Variants in PRKD1 observed in about 807,000 individuals in gnomAD.
The protein encoded by PRKD1 is serine/threonine-protein kinase D1.
PRKD1 carries 63 observed loss-of-function variants against 95.9 expected under a neutral mutation model. The ratio of observed to expected loss-of-function variants is 0.66; its 90% confidence interval spans 0.54 to 0.81. The LOEUF (loss-of-function observed/expected upper bound fraction) is 0.81. Ranked by LOEUF, PRKD1 falls within the 30% of genes least tolerant of loss-of-function variation. The pLI is 0.00. For synonymous variants in PRKD1, 425 were observed against 423.1 expected (o/e 1.00, Z -0.05); for missense variants, 1,048 against 1,165.3 (o/e 0.90, Z 1.47).
At chr14:29,685,734 C>CTGTGTGTGTG (rs5807548) in intron 2 of PRKD1, among the ~76,000 whole-genome samples, 138 of 149,386 alleles carry the variant, frequency 9.2e-4, no homozygotes, top group Admixed American at 1.0e-3. Flanking sequence ...TTATCCTCAT[C>CTGTGTGTGTG]TGTGTGTGTG....
intron 1 of PRKD1, among the ~76,000 whole-genome samples, chr14:29,786,532 T>C (rs1226984830): frequency 6.6e-6 from 1 of 152,182 alleles, no homozygotes; most frequent in Non-Finnish European, 1.5e-5. Context: ...GCTAATGGTC[T>C]GTTCAGGTTT....
At chr14:29,813,115 AAAC>A (rs1271368112) in intron 1 of PRKD1, among the ~76,000 whole-genome samples, 6 of 152,196 alleles carry the variant, frequency 3.9e-5, no homozygotes, top group South Asian at 2.1e-4. Context: ...TGTCTCAAAA[AAAC>A]AACAACAAAA....
At chr14:29,636,186 C>G (rs1880356012) in intron 7 of PRKD1, 104 bp downstream of exon 7, 1 of 1,330,080 alleles carries the variant, frequency 7.5e-7, no homozygotes, top group African/African-American at 1.5e-5. Context: ...AGTAAACGTG[C>G]ACTTCACATT....
In PRKD1 at chr14:29,804,554, C is replaced by T. The variant is rs761871424; in HGVS notation, c.265-78880G>A. On this transcript the variant is annotated intron_variant, in intron 1 of 17. Coordinates refer to ENST00000331968, the MANE Select transcript of PRKD1 (RefSeq NM_002742.3). ...AGTAGTACAAGAAGCCCAAATATGC[C>T]TCCTTGTGCTACTTTACCCATACAC... Among the ~76,000 whole-genome samples, 4 of 150,406 alleles carry T rather than the reference C, an allele frequency of 2.7e-5. No homozygotes were observed. The South Asian group carries it at 6.3e-4, about 24-fold the overall frequency.
intron 1 of PRKD1, among the ~76,000 whole-genome samples, chr14:29,924,251 T>C (rs1895221237): frequency 1.3e-5 from 2 of 152,224 alleles, no homozygotes; most frequent in Admixed American, 1.3e-4. Context: ...AATAATTCTT[T>C]ACTTATATAA....
At chr14:29,834,038 T>A (rs1264362538) in intron 1 of PRKD1, among the ~76,000 whole-genome samples, 1 of 152,160 alleles carries the variant, frequency 6.6e-6, no homozygotes, top group East Asian at 1.9e-4. Context: ...TCCACAGATT[T>A]CCTACAAGAG....
intron 1 of PRKD1, among the ~76,000 whole-genome samples, chr14:29,783,706 T>C (rs1266586462): frequency 1.3e-5 from 2 of 152,204 alleles, no homozygotes; most frequent in Non-Finnish European, 1.5e-5. Flanking sequence ...GATATCTCAC[T>C]GTGGTTTTGA....
intron 13 of PRKD1, among the ~76,000 whole-genome samples, chr14:29,622,591 TG>T (rs1488452144): frequency 6.6e-6 from 1 of 151,962 alleles, no homozygotes; most frequent in Non-Finnish European, 1.5e-5. Context: ...TTAGTAGAGA[TG>T]GGGTTTCACC....
At chr14:29,870,579 TG>T (rs1336614434) in intron 1 of PRKD1, among the ~76,000 whole-genome samples, 1 of 152,202 alleles carries the variant, frequency 6.6e-6, no homozygotes, top group African/African-American at 2.4e-5. Context: ...GGAGGGAAAC[TG>T]CAACTGAACT....
intron 2 of PRKD1, among the ~76,000 whole-genome samples, chr14:29,676,176 C>CTTTTTTTTTTTTTTTTTT (rs1566532166): frequency 3.2e-5 from 2 of 62,242 alleles, no homozygotes; most frequent in African/African-American, 1.9e-4. Flanking sequence ...TAGTTCATTA[C>CTTTTTTTTTTTTTTTTTT]GTTTTTGTTT....
intron 13 of PRKD1, 79 bp downstream of exon 13, chr14:29,624,073 G>A (rs1879455511): frequency 9.8e-7 from 1 of 1,016,986 alleles, no homozygotes; most frequent in Non-Finnish European, 1.4e-6. Flanking sequence ...CAGGTTTTTA[G>A]AGAAAATTTA....
intron 1 of PRKD1, among the ~76,000 whole-genome samples, chr14:29,764,689 G>A (rs932094394): frequency 6.6e-6 from 1 of 152,054 alleles, no homozygotes; most frequent in Non-Finnish European, 1.5e-5. Flanking sequence ...TATGAGGGTG[G>A]AGCTCTCATG....
At chr14:29,583,181 T>C (rs1469297749) in intron 16 of PRKD1, among the ~76,000 whole-genome samples, 5 of 152,086 alleles carry the variant, frequency 3.3e-5, no homozygotes, top group African/African-American at 9.7e-5. Flanking sequence ...CCTCCTTCTA[T>C]AAAAACAGCA....
At chr14:29,926,350 A>C (rs2139149229) in intron 1 of PRKD1, among the ~76,000 whole-genome samples, 1 of 152,278 alleles carries the variant, frequency 6.6e-6, no homozygotes, top group Middle Eastern at 3.4e-3. Flanking sequence ...GACTGGCGCC[A>C]TGGCCCCCTC....
intron 1 of PRKD1, among the ~76,000 whole-genome samples, chr14:29,819,576 G>A (rs1890827583): frequency 6.6e-6 from 1 of 152,110 alleles, no homozygotes; most frequent in Non-Finnish European, 1.5e-5. Flanking sequence ...TGTAGTCCCA[G>A]CTACTCGGGA....
chr14:29,749,749 T>C (rs1887391459), intron 1 of PRKD1, among the ~76,000 whole-genome samples: 1 of 152,162 alleles, frequency 6.6e-6, no homozygotes, highest in Non-Finnish European at 1.5e-5. Flanking sequence ...ATAATTATTA[T>C]ATAAGACAAG....
intron 2 of PRKD1, among the ~76,000 whole-genome samples, chr14:29,713,022 G>C (rs971838821): frequency 6.6e-6 from 1 of 152,146 alleles, no homozygotes; most frequent in Non-Finnish European, 1.5e-5. Flanking sequence ...AATGCAGGCA[G>C]CCTTCAGTGA....
chr14:29,741,414 G>C (rs1886974608), intron 1 of PRKD1, among the ~76,000 whole-genome samples: 1 of 152,032 alleles, frequency 6.6e-6, no homozygotes, highest in Non-Finnish European at 1.5e-5. Flanking sequence ...ACTTATACCT[G>C]TTTGTATGTT....
chr14:29,630,829 C>A lies in PRKD1; in HGVS notation c.1585G>T (p.Ala529Ser), dbSNP rs764016558. 1 of 1,614,116 alleles carries A rather than the reference C, an allele frequency of 6.2e-7. No individual in the cohort carries two copies. Among genetic ancestry groups the A allele is most frequent in the Admixed American group, 1.7e-5 (1 of 60,000 alleles). The change falls in exon 10 of 18, where the codon GCC becomes TCC. Residue 529 changes from alanine to serine, a missense_variant. This residue lies in a region of PRKD1 where 739 missense variants were observed against 861.9 expected (regional missense o/e 0.86). Coordinates refer to ENST00000331968, the MANE Select transcript of PRKD1 (RefSeq NM_002742.3). ...VLTSGVGADV[A>S]RMWEIAIQHA... ...TGGATGGCTATCTCCCACATCCTGG[C>A]CACATCTGCACCAACGCCACTGGTG...
Sources: gnomAD v4.1 joint callset for allele counts (sites outside exome capture counted in the v4.1 genomes callset) on GRCh38, gnomAD v4.1.1 for gene constraint, gnomAD v4.1.1 regional missense constraint, MANE v1.5 for transcripts, NCBI Gene and HGNC (gene_info 2026-07-23, HGNC 2026-07-21) for gene names.